The following CDCA7L variants were observed in gnomAD, a reference collection of about 807,000 sequenced individuals.
The protein encoded by CDCA7L is cell division cycle-associated 7-like protein.
A neutral mutation model predicts 57.4 loss-of-function variants in CDCA7L; 44 were observed. The ratio of observed to expected loss-of-function variants is 0.77; its 90% CI spans 0.60 to 0.98. The LOEUF is 0.98. Among genes scored for constraint, CDCA7L ranks in the 50% least tolerant of loss-of-function variants. The probability of loss-of-function intolerance (pLI) is 0.00; values close to 1 mark genes in which losing one functional copy is unlikely to be tolerated. For synonymous variants in CDCA7L, 236 were observed against 202.8 expected, an observed-to-expected ratio of 1.16 and a Z score of -1.39; for missense variants, 644 against 580.6, an observed-to-expected ratio of 1.11 and a Z score of -1.12.
intron 1 of CDCA7L, among the ~76,000 whole-genome samples, chr7:21,937,289 C>G (rs938913304): frequency 1.3e-5 from 2 of 152,036 alleles, no homozygotes; most frequent in African/African-American, 4.8e-5. Flanking sequence ...AAAGTCCATC[C>G]TAAAATTAAT....
rs1296380723 is a variant in CDCA7L at position 21,916,882 on chromosome 7, C to A, written c.37G>T (p.Val13Leu). Reference protein sequence around the residue: ...LATRYQIPKEVADIFNAPSDD... With the variant: ...LATRYQIPKELADIFNAPSDD... Reference sequence around the variant, plus strand: ...CTGGGGGCGTTAAAGATGTCAGCCACTTCTTTAGGGATCTGTTTTGGATTC... The same window carrying A: ...CTGGGGGCGTTAAAGATGTCAGCCAATTCTTTAGGGATCTGTTTTGGATTC... Residue 13 changes from valine (V) to leucine (L), a missense_variant, in exon 2 of 10, where the codon GTG (valine) becomes TTG (leucine). Coordinates refer to ENST00000406877, the MANE Select transcript of CDCA7L (RefSeq NM_018719.5). 1 of 1,614,096 alleles carries A rather than the reference C, an allele frequency of 6.2e-7. No homozygotes were observed. Among genetic ancestry groups the A allele is most frequent in the East Asian group, 2.2e-5 (1 of 44,878 alleles).
At position 21,900,930 on chromosome 7, in the gene CDCA7L, G is replaced by T. The variant is rs761854523; in HGVS notation, c.*1392C>A. 77 of 1,392,400 alleles carry T rather than the reference G, an allele frequency of 5.5e-5. No individual in the cohort carries two copies. The African/African-American group carries it at 1.3e-3, about 24-fold the overall frequency. The allele number at this position is 1,392,400 out of a possible 1,614,324, so 86.3% of individuals were successfully genotyped here. A position where few individuals can be genotyped will look rare whatever the true frequency, so the allele number is the denominator to read the frequency against. Reference sequence around the variant, plus strand: ...AAAACCAGAATGTTGAATGTTTATTGCATCAAACAACTTACTTGATCATTA... The same window carrying T: ...AAAACCAGAATGTTGAATGTTTATTTCATCAAACAACTTACTTGATCATTA... On this transcript the variant is annotated 3_prime_UTR_variant, in exon 10 of 10. Coordinates refer to ENST00000406877, the MANE Select transcript of CDCA7L (RefSeq NM_018719.5).
chr7:21,910,006 T>G (rs1349379060), intron 3 of CDCA7L, among the ~76,000 whole-genome samples: 1 of 152,172 alleles, frequency 6.6e-6, no homozygotes, highest in Non-Finnish European at 1.5e-5. Flanking sequence ...GCTTTTCTTC[T>G]CACTGGATTC....
chr7:21,907,148 AAAT>A (rs142569260), intron 4 of CDCA7L, among the ~76,000 whole-genome samples: 2,405 of 152,316 alleles, frequency 0.016, 56 homozygotes, highest in African/African-American at 0.054. Flanking sequence ...TAATAATACC[AAAT>A]AATAGGCATT....
chr7:21,912,829 G>C (rs1046323173), intron 2 of CDCA7L, among the ~76,000 whole-genome samples: 1 of 152,170 alleles, frequency 6.6e-6, no homozygotes, highest in Admixed American at 6.5e-5. Flanking sequence ...GATGCAATGT[G>C]ACTCTTTAAG....
chr7:21,911,974 A>C (rs896875134), intron 2 of CDCA7L, among the ~76,000 whole-genome samples: 4 of 151,910 alleles, frequency 2.6e-5, no homozygotes, highest in Non-Finnish European at 5.9e-5. Context: ...AAAAAAAAAA[A>C]AACACTGGCC....
chr7:21,902,152 C>A lies in CDCA7L; in HGVS notation c.*170G>T, dbSNP rs1784914309. On this transcript the variant is annotated 3_prime_UTR_variant, in exon 10 of 10. Coordinates refer to ENST00000406877, the MANE Select transcript of CDCA7L (RefSeq NM_018719.5). ...TAGATTCCTCTGCTCTGCTGTCTTC[C>A]TGAGAAATCTTTGTAAGCATATAAA... 1.5e-6 allele frequency: 1 copy of A among 677,254 alleles called. No individual in the cohort carries two copies. The highest frequency in any genetic ancestry group is 2.6e-6 in the Non-Finnish European group (1 of 383,366). The allele number at this position is 677,254 out of a possible 1,614,324, so 42.0% of individuals were successfully genotyped here. A position where few individuals can be genotyped will look rare whatever the true frequency, so the allele number is the denominator to read the frequency against.
rs1272245686 is a variant in CDCA7L, at chr7:21,906,634, G to A, written c.687C>T (p.Ala229=). 1.2e-6 allele frequency: 2 copies of A among 1,613,876 alleles called. No individual in the cohort carries two copies. The highest frequency in any genetic ancestry group is 1.7e-5 in the Admixed American group (1 of 60,020). Reference sequence around the variant, plus strand: ...TCGAGTTCAATTCCGCCAATAACTGGGCAAGCTGAAGTTCAGAACAAAAGA... The same window carrying A: ...TCGAGTTCAATTCCGCCAATAACTGAGCAAGCTGAAGTTCAGAACAAAAGA... ...MNIKENKAML[A]QLLAELNSMP... Residue 229 remains alanine, a synonymous_variant, in exon 5 of 10, where the codon GCC becomes GCT. Coordinates refer to ENST00000406877, the MANE Select transcript of CDCA7L (RefSeq NM_018719.5).
chr7:21,905,469 G>C, intron 7 of CDCA7L, 37 bp downstream of exon 7: 1 of 1,603,630 alleles, frequency 6.2e-7, no homozygotes, highest in Non-Finnish European at 8.5e-7. Flanking sequence ...CAATGCCTTC[G>C]ACTCCCAATA....
At chr7:21,923,831 C>A (rs1316682621) in intron 1 of CDCA7L, among the ~76,000 whole-genome samples, 1 of 152,202 alleles carries the variant, frequency 6.6e-6, no homozygotes, top group African/African-American at 2.4e-5. Flanking sequence ...CTAAGCTATA[C>A]TAATAAAAAT....
intron 3 of CDCA7L, among the ~76,000 whole-genome samples, chr7:21,908,737 G>T (rs1346293851): frequency 6.6e-6 from 1 of 152,126 alleles, no homozygotes. Context: ...TCATACCCGC[G>T]ACAGAAATGG....
chr7:21,911,466 G>A (rs926443157), intron 3 of CDCA7L, 151 bp downstream of exon 3: 1 of 864,396 alleles, frequency 1.2e-6, no homozygotes, highest in Admixed American at 3.2e-5. Context: ...AGCCTTCCAG[G>A]AGCAATTTTT....
intron 3 of CDCA7L, among the ~76,000 whole-genome samples, chr7:21,911,341 C>A (rs182377256): frequency 2.0e-3 from 305 of 151,974 alleles, no homozygotes; most frequent in African/African-American, 6.7e-3. Context: ...GAGATAAATT[C>A]TTTGAGAAGG....
Position 21,902,307 on chromosome 7 carries a change from C to CTGTT in CDCA7L, c.*11_*14dup, listed in dbSNP as rs756377542. The stretch of plus-strand genomic sequence containing the variant: ...GTACTCTATGGTGAGGTGGCTGGTT[C>CTGTT]TGTTTGTTTTCCTCTTAATTGTCTT... On this transcript the variant is annotated 3_prime_UTR_variant, in exon 10 of 10. Coordinates refer to ENST00000406877, the MANE Select transcript of CDCA7L (RefSeq NM_018719.5). The CTGTT allele has an allele frequency of 3.7e-5, 59 of 1,613,544 alleles. No individual in the cohort carries two copies. The highest frequency in any genetic ancestry group is 3.3e-4 in the African/African-American group (25 of 74,912).
At position 21,904,020 on chromosome 7, in the gene CDCA7L, C is replaced by CTA. The variant is rs1396923940; in HGVS notation, c.1197+88_1197+89dup. 14 of 1,297,922 alleles carry CTA rather than the reference C, an allele frequency of 1.1e-5. No homozygotes were observed. The Admixed American group carries it at 3.9e-4, about 36-fold the overall frequency. 80.4% of individuals were successfully genotyped at this position (1,297,922 alleles called of 1,614,324 possible). On this transcript the variant is annotated intron_variant, in intron 8 of 9. Coordinates refer to ENST00000406877, the MANE Select transcript of CDCA7L (RefSeq NM_018719.5). Reference sequence around the variant, plus strand: ...GGAAAAACCAGAGTTCTGGAGCTCCCTAGTTCCCAGTGAGAACCCAGGAGG... The same window carrying CTA: ...GGAAAAACCAGAGTTCTGGAGCTCCCTATAGTTCCCAGTGAGAACCCAGGAGG...
At chr7:21,916,157 G>C (rs540389373) in intron 2 of CDCA7L, among the ~76,000 whole-genome samples, 36 of 152,248 alleles carry the variant, frequency 2.4e-4, no homozygotes, top group African/African-American at 8.7e-4. Flanking sequence ...GGAATTTTGA[G>C]TGCCACAATT....
intron 1 of CDCA7L, among the ~76,000 whole-genome samples, chr7:21,917,597 C>A (rs898424060): frequency 2.6e-5 from 4 of 152,204 alleles, no homozygotes; most frequent in Admixed American, 6.5e-5. Context: ...AAAAATAGTA[C>A]AAACACCTGT....
At chr7:21,910,464 T>C (rs905592251) in intron 3 of CDCA7L, among the ~76,000 whole-genome samples, 1 of 152,194 alleles carries the variant, frequency 6.6e-6, no homozygotes, top group Non-Finnish European at 1.5e-5. Flanking sequence ...GTGAGGGACA[T>C]GGCAGGCTAG....
rs1784794601 is a variant in CDCA7L at position 21,901,055 on chromosome 7, A to C, written c.*1267T>G. Reference sequence around the variant, plus strand: ...GGAACCATTGTTGAAGCCCGTCTCAAGGAGCTGGCATGCCCTATGCCGGTC... The same window carrying C: ...GGAACCATTGTTGAAGCCCGTCTCACGGAGCTGGCATGCCCTATGCCGGTC... On this transcript the variant is annotated 3_prime_UTR_variant, in exon 10 of 10. Transcript: ENST00000406877. 1 of 1,613,274 alleles carries C rather than the reference A, an allele frequency of 6.2e-7. No homozygotes were observed. The highest frequency in any genetic ancestry group is 1.3e-5 in the African/African-American group (1 of 74,906).
Sources: gnomAD v4.1 joint callset for allele counts (sites outside exome capture counted in the v4.1 genomes callset) on GRCh38, gnomAD v4.1.1 for gene constraint, MANE v1.5 for transcripts, NCBI Gene and HGNC (gene_info 2026-07-23, HGNC 2026-07-21) for gene names.